Variants in COL24A1 observed in about 807,000 individuals in gnomAD.
COL24A1 encodes the protein collagen type XXIV alpha 1 chain.
COL24A1 carries 224 observed loss-of-function variants against 253.9 expected under a neutral mutation model. The observed-to-expected ratio is 0.88, with a 90% CI of 0.79 to 0.99. The LOEUF (loss-of-function observed/expected upper bound fraction) is 0.99. Among genes scored for constraint, COL24A1 ranks in the 50% least tolerant of loss-of-function variants. The pLI, the probability that COL24A1 is intolerant of heterozygous loss-of-function variation, is 0.00. For synonymous variants in COL24A1, 685 were observed against 673.7 expected, an observed-to-expected ratio of 1.02 and a Z score of -0.26; for missense variants, 2,131 against 2,068.5, an observed-to-expected ratio of 1.03 and a Z score of -0.59.
chr1:86,065,066 G>T (rs1316468195), intron 7 of COL24A1, among the ~76,000 whole-genome samples: 1 of 152,114 alleles, frequency 6.6e-6, no homozygotes, highest in African/African-American at 2.4e-5. Context: ...AGACAGTGGT[G>T]GTGGCTCCCT....
intron 47 of COL24A1, among the ~76,000 whole-genome samples, chr1:85,797,692 C>T (rs1670981938): frequency 6.6e-6 from 1 of 152,172 alleles, no homozygotes; most frequent in African/African-American, 2.4e-5. Context: ...CTGGATATAA[C>T]AGCTGTCTCT....
At chr1:85,981,220 T>C (rs1489933348) in intron 20 of COL24A1, among the ~76,000 whole-genome samples, 1 of 152,142 alleles carries the variant, frequency 6.6e-6, no homozygotes, top group African/African-American at 2.4e-5. Flanking sequence ...AGAACAAATC[T>C]GGAGCATCGC....
intron 55 of COL24A1, 121 bp from the exon 56 acceptor site, chr1:85,745,627 T>A (rs1665132904): frequency 1.6e-6 from 1 of 639,700 alleles, no homozygotes; most frequent in Non-Finnish European, 2.5e-6. Flanking sequence ...TCTGAAGGGG[T>A]TCTGTAACTC....
intron 7 of COL24A1, among the ~76,000 whole-genome samples, chr1:86,080,344 A>G (rs1319544191): frequency 1.3e-5 from 2 of 152,150 alleles, no homozygotes; most frequent in African/African-American, 4.8e-5. Context: ...AATAGTTACA[A>G]AGAATGAATA....
At position 85,828,544 on chromosome 1, in the gene COL24A1, T is replaced by A. The variant is rs544196820; in HGVS notation, c.3682-4806A>T. Among the ~76,000 whole-genome samples the A allele has an allele frequency of 9.6e-3, 1,455 of 151,444 alleles. 22 individuals are homozygous for A. The highest frequency in any genetic ancestry group is 0.015 in the Non-Finnish European group (1,003 of 67,800). ...GGGGTGTTAAAGTCTCCCATTATTATTGTGTGGGAGTCTAAGTCTCTTTGC... is the reference window on the plus strand; with the variant it reads ...GGGGTGTTAAAGTCTCCCATTATTAATGTGTGGGAGTCTAAGTCTCTTTGC... On this transcript the variant is annotated intron_variant, in intron 43 of 59. Coordinates refer to ENST00000370571, the MANE Select transcript of COL24A1 (RefSeq NM_152890.7).
At chr1:85,797,317 A>G (rs1292901416) in intron 47 of COL24A1, among the ~76,000 whole-genome samples, 2 of 152,174 alleles carry the variant, frequency 1.3e-5, no homozygotes, top group African/African-American at 4.8e-5. Context: ...TTGGAGAGAA[A>G]GAAAGACAAC....
At chr1:85,773,380 G>A (rs1217211583) in intron 53 of COL24A1, among the ~76,000 whole-genome samples, 3 of 151,968 alleles carry the variant, frequency 2.0e-5, no homozygotes, top group African/African-American at 7.2e-5. Flanking sequence ...TATGAAGTTT[G>A]AAGTAGTTTT....
At chr1:85,798,189 C>G (rs1468866773) in intron 47 of COL24A1, among the ~76,000 whole-genome samples, 1 of 116,516 alleles carries the variant, frequency 8.6e-6, no homozygotes, top group Non-Finnish European at 1.9e-5. Context: ...AGAGAGGGAC[C>G]CTGTCTCTAT....
intron 24 of COL24A1, 32 bp from the exon 25 acceptor site, chr1:85,911,465 C>T (rs1685359511): frequency 6.5e-7 from 1 of 1,544,950 alleles, no homozygotes; most frequent in Non-Finnish European, 8.9e-7. Context: ...AGAAAATACA[C>T]ACATATTGTA....
chr1:85,960,273 C>G (rs140537359), intron 24 of COL24A1, among the ~76,000 whole-genome samples: 4 of 152,248 alleles, frequency 2.6e-5, no homozygotes, highest in Non-Finnish European at 5.9e-5. Flanking sequence ...ATTTAGCACA[C>G]TCTGTAAACG....
chr1:85,993,227 C>A (rs564204238), intron 19 of COL24A1, among the ~76,000 whole-genome samples: 1 of 152,010 alleles, frequency 6.6e-6, no homozygotes, highest in Non-Finnish European at 1.5e-5. Flanking sequence ...TTATATTATG[C>A]GCTACATACA....
intron 47 of COL24A1, among the ~76,000 whole-genome samples, chr1:85,791,999 A>G (rs1025864018): frequency 1.9e-4 from 29 of 152,280 alleles, no homozygotes; most frequent in Non-Finnish European, 4.0e-4. Context: ...TTTTCTCATT[A>G]CTAGTCTTGC....
intron 52 of COL24A1, among the ~76,000 whole-genome samples, chr1:85,780,753 T>C (rs921535805): frequency 3.3e-5 from 5 of 152,224 alleles, no homozygotes; most frequent in African/African-American, 9.6e-5. Flanking sequence ...TAACCTGTAC[T>C]GTATCTTCTA....
At chr1:86,066,409 T>C (rs908428251) in intron 7 of COL24A1, among the ~76,000 whole-genome samples, 1 of 151,814 alleles carries the variant, frequency 6.6e-6, no homozygotes, top group Admixed American at 6.6e-5. Flanking sequence ...CGGCTATTTT[T>C]TTTTTCCTGT....
chr1:85,852,273 A>C (rs1258216825), intron 37 of COL24A1, among the ~76,000 whole-genome samples: 1 of 152,176 alleles, frequency 6.6e-6, no homozygotes, highest in Non-Finnish European at 1.5e-5. Flanking sequence ...ATCTGATTCT[A>C]CATTATCTTC....
At chr1:85,812,059 T>C (rs577354989) in intron 47 of COL24A1, among the ~76,000 whole-genome samples, 12 of 152,088 alleles carry the variant, frequency 7.9e-5, no homozygotes, top group Non-Finnish European at 1.6e-4. Context: ...CTTGCTCCGA[T>C]TGAAACTGAA....
chr1:86,102,133 A>G (rs893713915), intron 5 of COL24A1, among the ~76,000 whole-genome samples: 1 of 152,076 alleles, frequency 6.6e-6, no homozygotes, highest in African/African-American at 2.4e-5. Context: ...GTGTGTGTCC[A>G]GGAACTTATC....
intron 12 of COL24A1, among the ~76,000 whole-genome samples, chr1:86,036,899 G>A (rs12079760): frequency 0.065 from 9,815 of 152,084 alleles, 704 homozygotes; most frequent in African/African-American, 0.17. Context: ...ATACTCTCAC[G>A]TTGCCAAAGG....
chr1:85,907,037 A>G (rs915609757), intron 28 of COL24A1, among the ~76,000 whole-genome samples, 157 bp downstream of exon 28: 7 of 152,072 alleles, frequency 4.6e-5, no homozygotes, highest in Admixed American at 4.6e-4. Flanking sequence ...TATTTCAATT[A>G]ACATAGGGCA....
Sources: gnomAD v4.1 joint callset for allele counts (sites outside exome capture counted in the v4.1 genomes callset) on GRCh38, gnomAD v4.1.1 for gene constraint, MANE v1.5 for transcripts, NCBI Gene and HGNC (gene_info 2026-07-23, HGNC 2026-07-21) for gene names.